FIGNL2: variants seen among roughly 807,000 people sequenced by gnomAD.
FIGNL2 encodes the protein fidgetin like 2.
For missense variants in FIGNL2, 1,060 were observed against 950.2 expected (o/e 1.12, Z -1.52); for synonymous variants, 565 against 484.0 (o/e 1.17, Z -2.20).
chr12:51,820,512 G>A lies in FIGNL2; in HGVS notation c.1902C>T (p.Ala634=), dbSNP rs756016764. ...CGAACGAGTCCAGTTCCTTGGCAGA[G>A]GCCCTAGGGCCCACCTTGGCCAGCG... ...EAALAKVGPR[A]SAKELDSFVE... The change falls in exon 2 of 2, where the codon GCC becomes GCT. Residue 634 remains alanine, a synonymous_variant. Transcript: ENST00000618634. The A allele has an allele frequency of 1.3e-6, 2 of 1,575,726 alleles. No homozygotes were observed. The highest frequency in any genetic ancestry group is 1.7e-6 in the Non-Finnish European group (2 of 1,168,796).
chr12:51,845,024 G>T (rs1939721181), intron 1 of FIGNL2: 1 of 264,048 alleles, frequency 3.8e-6, no homozygotes, highest in Non-Finnish European at 5.9e-6. Flanking sequence ...GTCCCCATGG[G>T]CTTCAGGGGA....
Position 51,821,322 on chromosome 12 carries a change from C to G in FIGNL2, c.1092G>C (p.Gly364=), listed in dbSNP as rs544844362. 3.6e-4 allele frequency: 536 copies of G among 1,508,966 alleles called. 10 individuals carry two copies. In the South Asian group the frequency reaches 6.1e-3, roughly 17 times the overall value. The allele number at this position is 1,508,966 out of a possible 1,614,324, so 93.5% of individuals were successfully genotyped here. ...APRGGFAVPS[G]ETPKGVDPGA... is the part of the protein sequence containing the mutation. ...CAGGGTCCACGCCTTTGGGAGTCTCCCCCGACGGCACGGCGAACCCCCCAC... is the reference window on the plus strand; with the variant it reads ...CAGGGTCCACGCCTTTGGGAGTCTCGCCCGACGGCACGGCGAACCCCCCAC... Residue 364 remains glycine, a synonymous_variant, in exon 2 of 2, where the codon GGG becomes GGC. Coordinates refer to ENST00000618634, the MANE Select transcript of FIGNL2 (RefSeq NM_001384995.1).
intron 1 of FIGNL2, among the ~76,000 whole-genome samples, chr12:51,840,696 T>C (rs961748654): frequency 6.6e-6 from 1 of 152,154 alleles, no homozygotes; most frequent in East Asian, 1.9e-4. Flanking sequence ...GATCACACCA[T>C]TGTACTCCAG....
chr12:51,845,434 C>T, intron 1 of FIGNL2: 1 of 976,780 alleles, frequency 1.0e-6, no homozygotes, highest in African/African-American at 1.8e-5. Flanking sequence ...TGCCAGCACC[C>T]CATACTTGAC....
Position 51,838,859 on chromosome 12 carries a change from CG to C in FIGNL2, c.-12+9680del, listed in dbSNP as rs201010823. ...GAAAACATAATCCTGGAGCTGCCTG[CG>C]GGGCCCCAGAAGAGCTCTGCCTTGC... On this transcript the variant is annotated intron_variant, in intron 1 of 1. Coordinates refer to ENST00000618634, the MANE Select transcript of FIGNL2 (RefSeq NM_001384995.1). Among the ~76,000 whole-genome samples, 665 of 152,282 alleles carry C rather than the reference CG, an allele frequency of 4.4e-3. 5 individuals are homozygous for C. Among genetic ancestry groups the C allele is most frequent in the African/African-American group, 0.015 (643 of 41,540 alleles).
At position 51,821,636 on chromosome 12, in the gene FIGNL2, C is replaced by G. The variant is rs1218401424; in HGVS notation, c.778G>C (p.Glu260Gln). 1 of 1,480,436 alleles carries G rather than the reference C, an allele frequency of 6.8e-7. No individual in the cohort carries two copies. Among genetic ancestry groups the G allele is most frequent in the Admixed American group, 2.2e-5 (1 of 45,040 alleles). The allele number at this position is 1,480,436 out of a possible 1,614,324, so 91.7% of individuals were successfully genotyped here. A position where few individuals can be genotyped will look rare whatever the true frequency, so the allele number is the denominator to read the frequency against. Reference sequence around the variant, plus strand: ...TTGCGCTTCAGCGACAGCCCGGATTCGGCACCCGGCGCGGCCGTGGGGAAG... The same window carrying G: ...TTGCGCTTCAGCGACAGCCCGGATTGGGCACCCGGCGCGGCCGTGGGGAAG... Reference protein sequence around the residue: ...YGFPTAAPGAESGLSLKRKAA... With the variant: ...YGFPTAAPGAQSGLSLKRKAA... Residue 260 changes from glutamate (E) to glutamine (Q), a missense_variant, in exon 2 of 2, where the codon GAA (glutamate) becomes CAA (glutamine). By Grantham distance (29) the Glu-to-Gln change is conservative (BLOSUM62 2). Coordinates refer to ENST00000618634, the MANE Select transcript of FIGNL2 (RefSeq NM_001384995.1).
intron 1 of FIGNL2, chr12:51,828,500 C>G (rs959800468): frequency 2.6e-5 from 4 of 152,206 alleles, no homozygotes; most frequent in African/African-American, 9.7e-5. Flanking sequence ...GAAAGAATTA[C>G]GGGATGGAAG....
chr12:51,843,878 A>T (rs1263601670), intron 1 of FIGNL2, among the ~76,000 whole-genome samples: 1 of 151,798 alleles, frequency 6.6e-6, no homozygotes, highest in Admixed American at 6.5e-5. Flanking sequence ...GTTCAAGATC[A>T]GCCTGGGCAA....
chr12:51,830,839 A>G (rs1042956768), intron 1 of FIGNL2, among the ~76,000 whole-genome samples: 9 of 151,962 alleles, frequency 5.9e-5, no homozygotes, highest in Admixed American at 2.0e-4. Flanking sequence ...CCCAGGCTGG[A>G]GTGCAGTGGC....
chr12:51,831,580 C>T (rs999667029), intron 1 of FIGNL2, among the ~76,000 whole-genome samples: 4 of 152,192 alleles, frequency 2.6e-5, no homozygotes, highest in African/African-American at 7.2e-5. Flanking sequence ...CACCCCTGAG[C>T]GGGGCATGAG....
At chr12:51,831,698 G>A (rs1196320575) in intron 1 of FIGNL2, 1 of 154,364 alleles carries the variant, frequency 6.5e-6, no homozygotes. Flanking sequence ...TCCCTCTTGT[G>A]CACTGATCCC....
chr12:51,821,978 C>G lies in FIGNL2; in HGVS notation c.436G>C (p.Gly146Arg), dbSNP rs1387300150. ...AGNLPEPLYAGNACGGPSAAP... is the reference protein window; with the variant it reads ...AGNLPEPLYARNACGGPSAAP... ...GCCGATGGGCCCCCGCACGCATTGCCGGCGTAGAGGGGTTCAGGGAGGTTC... is the reference window on the plus strand; with the variant it reads ...GCCGATGGGCCCCCGCACGCATTGCGGGCGTAGAGGGGTTCAGGGAGGTTC... The change falls in exon 2 of 2, where the codon GGC (glycine) becomes CGC (arginine). Residue 146 changes from glycine to arginine, a missense_variant. Coordinates refer to ENST00000618634, the MANE Select transcript of FIGNL2 (RefSeq NM_001384995.1). 2 of 1,565,940 alleles carry G rather than the reference C, an allele frequency of 1.3e-6. No individual in the cohort carries two copies. The highest frequency in any genetic ancestry group is 2.7e-5 in the African/African-American group (2 of 73,470).
chr12:51,820,864 C>T lies in FIGNL2; in HGVS notation c.1550G>A (p.Cys517Tyr). 1 of 1,441,432 alleles carries T rather than the reference C, an allele frequency of 6.9e-7. No individual in the cohort carries two copies. Among genetic ancestry groups the T allele is most frequent in the South Asian group, 1.4e-5 (1 of 73,246 alleles). The allele number at this position is 1,441,432 out of a possible 1,614,324, so 89.3% of individuals were successfully genotyped here. A position where few individuals can be genotyped will look rare whatever the true frequency, so the allele number is the denominator to read the frequency against. Reference protein sequence around the residue: ...GGALQVPLLACLDGGCGAGAD... With the variant: ...GGALQVPLLAYLDGGCGAGAD... ...CCCCGCGCCGCAGCCCCCGTCCAGG[C>T]AGGCCAGGAGCGGCACCTGCAGCGC... Residue 517 changes from cysteine to tyrosine, a missense_variant, in exon 2 of 2, where the codon TGC (cysteine) becomes TAC (tyrosine). Coordinates refer to ENST00000618634, the MANE Select transcript of FIGNL2 (RefSeq NM_001384995.1).
At chr12:51,840,526 G>A (rs769588988) in intron 1 of FIGNL2, among the ~76,000 whole-genome samples, 3 of 152,076 alleles carry the variant, frequency 2.0e-5, no homozygotes, top group African/African-American at 7.2e-5. Flanking sequence ...ACCTGAGGTC[G>A]GGAGTTCAAG....
chr12:51,820,998 G>A lies in FIGNL2; in HGVS notation c.1416C>T (p.Leu472=), dbSNP rs1939165082. 8.4e-7 allele frequency: 1 copy of A among 1,196,106 alleles called. No homozygotes were observed. The highest frequency in any genetic ancestry group is 1.0e-6 in the Non-Finnish European group (1 of 966,908). 74.1% of individuals were successfully genotyped at this position (1,196,106 alleles called of 1,614,324 possible). Residue 472 remains leucine (L), a synonymous_variant, in exon 2 of 2, where the codon CTC becomes CTT. Transcript: ENST00000618634. ...AAPGAAEGAR[L]LQAAFAAARC... ...GCGCGGCCGCGAAGGCGGCCTGGAG[G>A]AGGCGCGCGCCCTCGGCGGCGCCGG...
At chr12:51,847,756 C>A in intron 1 of FIGNL2, 1 of 985,426 alleles carries the variant, frequency 1.0e-6, no homozygotes, top group African/African-American at 1.7e-5. Context: ...GAAGGACCCT[C>A]TGCAGCGGCG....
rs1481495248 is a variant in FIGNL2 at position 51,822,440 on chromosome 12, A to G, written c.-11-16T>C. 6.2e-7 allele frequency: 1 copy of G among 1,612,202 alleles called. No homozygotes were observed. Among genetic ancestry groups the G allele is most frequent in the East Asian group, 2.2e-5 (1 of 44,854 alleles). On this transcript the variant is annotated splice_polypyrimidine_tract_variant and intron_variant, in intron 1 of 1. Transcript: ENST00000618634. ...TTCAACAGAGCTGCGGGCAAGAGACAGGAGGTCTGGTGAGGTCTAGCCACC... is the reference window on the plus strand; with the variant it reads ...TTCAACAGAGCTGCGGGCAAGAGACGGGAGGTCTGGTGAGGTCTAGCCACC...
Position 51,834,015 on chromosome 12 carries a change from G to GGACAGATGGATGAATAGACA in FIGNL2, c.-11-11592_-11-11591insTGTCTATTCATCCATCTGTC, listed in dbSNP as rs1565946256. 3.0e-3 allele frequency among the ~76,000 whole-genome samples: 411 copies of GGACAGATGGATGAATAGACA among 138,340 alleles called. 1 individual carries two copies. The highest frequency in any genetic ancestry group is 4.3e-3 in the Non-Finnish European group (280 of 64,932). The allele number at this position is 138,340 out of a possible 152,430, so 90.8% of individuals were successfully genotyped here. A position where few individuals can be genotyped will look rare whatever the true frequency, so the allele number is the denominator to read the frequency against. On this transcript the variant is annotated intron_variant, in intron 1 of 1. Coordinates refer to ENST00000618634, the MANE Select transcript of FIGNL2 (RefSeq NM_001384995.1). ...TGGATGGATGAATGGACAGACAAAT[G>GGACAGATGGATGAATAGACA]GACGGATGGATGGATGGATGGATGG...
At chr12:51,822,543 C>T in intron 1 of FIGNL2, 119 bp from the exon 2 acceptor site, 4 of 1,090,418 alleles carry the variant, frequency 3.7e-6, no homozygotes, top group Non-Finnish European at 4.0e-6. Context: ...TTCCGGCATC[C>T]ACCACCTACC....
Sources: allele counts gnomAD v4.1 joint callset (sites outside exome capture counted in the v4.1 genomes callset), GRCh38; gene constraint gnomAD v4.1.1; transcripts MANE v1.5; gene names NCBI Gene and HGNC (gene_info 2026-07-23, HGNC 2026-07-21).